Variants in GRIP1 observed in about 807,000 individuals in gnomAD.
GRIP1 encodes glutamate receptor-interacting protein 1.
Under a neutral mutation model 129.9 loss-of-function variants are expected in GRIP1, and 45 were observed. The observed-to-expected ratio is 0.35, with a 90% CI of 0.27 to 0.44. GRIP1 has a LOEUF of 0.44. Among genes scored for constraint, GRIP1 ranks in the 20% least tolerant of loss-of-function variants. The pLI is 1.00. For missense variants in GRIP1, 1,196 were observed against 1,396.8 expected, an observed-to-expected ratio of 0.86 and a Z score of 2.29; for synonymous variants, 530 against 520.8, an observed-to-expected ratio of 1.02 and a Z score of -0.24.
chr12:66,930,376 G>A (rs950873486), intron 1 of GRIP1, among the ~76,000 whole-genome samples: 24 of 149,336 alleles, frequency 1.6e-4, no homozygotes, highest in Non-Finnish European at 2.2e-4. Context: ...TTGTTCTTGC[G>A]ATAGTTTACT....
chr12:67,044,450 T>A (rs1293285950), intron 1 of GRIP1, among the ~76,000 whole-genome samples: 1 of 152,200 alleles, frequency 6.6e-6, no homozygotes, highest in South Asian at 2.1e-4. Context: ...TCACCTTCTA[T>A]AGAAAATAAA....
intron 22 of GRIP1, among the ~76,000 whole-genome samples, chr12:66,376,250 C>A (rs934499753): frequency 6.6e-6 from 1 of 152,132 alleles, no homozygotes; most frequent in Non-Finnish European, 1.5e-5. Context: ...ACCACACATG[C>A]AATTGAGAAG....
intron 19 of GRIP1, among the ~76,000 whole-genome samples, chr12:66,389,574 A>G (rs555926452): frequency 1.3e-5 from 2 of 152,262 alleles, no homozygotes; most frequent in Admixed American, 1.3e-4. Context: ...ATCTGGAGAG[A>G]TGCAGTTTAA....
At chr12:66,768,868 C>T (rs186941453) in intron 1 of GRIP1, among the ~76,000 whole-genome samples, 177 of 152,264 alleles carry the variant, frequency 1.2e-3, no homozygotes, top group African/African-American at 4.0e-3. Flanking sequence ...AATTCTTGTA[C>T]TCAGCCCACA....
rs574152054 is a variant in GRIP1 at position 66,562,112 on chromosome 12, A to G, written c.137-20162T>C. On this transcript the variant is annotated intron_variant, in intron 2 of 24. Coordinates refer to ENST00000359742, the MANE Select transcript of GRIP1 (RefSeq NM_001366722.1). ...CAGAGCAAGATCCTGTCTCAAACAA[A>G]ACAAAATAAAACAAAAGAATACGCT... 1.2e-4 allele frequency among the ~76,000 whole-genome samples: 18 copies of G among 152,296 alleles called. No individual in the cohort carries two copies. The South Asian group carries it at 3.5e-3, about 30-fold the overall frequency.
intron 1 of GRIP1, among the ~76,000 whole-genome samples, chr12:66,998,427 A>C (rs1332322286): frequency 7.4e-6 from 1 of 136,024 alleles, no homozygotes; most frequent in African/African-American, 2.5e-5. Context: ...CTGATAAAAA[A>C]AAATATATAT....
At chr12:66,511,938 T>A (rs1455081541) in intron 7 of GRIP1, among the ~76,000 whole-genome samples, 1 of 152,106 alleles carries the variant, frequency 6.6e-6, no homozygotes, top group Non-Finnish European at 1.5e-5. Context: ...AGGGACCTGG[T>A]GGGAGGTGAT....
chr12:66,390,651 A>C (rs188048941), intron 19 of GRIP1, among the ~76,000 whole-genome samples: 7 of 152,228 alleles, frequency 4.6e-5, no homozygotes, highest in African/African-American at 1.7e-4. Context: ...ATTAATATCA[A>C]TAGCACCCTC....
At chr12:66,561,001 C>A (rs2062506754) in intron 2 of GRIP1, among the ~76,000 whole-genome samples, 1 of 151,974 alleles carries the variant, frequency 6.6e-6, no homozygotes, top group African/African-American at 2.4e-5. Flanking sequence ...TACTATTCAG[C>A]CCTAAAAAAG....
chr12:66,968,009 GATCT>G (rs1347614725), intron 1 of GRIP1, among the ~76,000 whole-genome samples: 1 of 152,096 alleles, frequency 6.6e-6, no homozygotes, highest in African/African-American at 2.4e-5. Context: ...CTGCTGGCTT[GATCT>G]ATCAACTAGT....
rs567419464 is a variant in GRIP1, at chr12:67,019,905, C to T, written c.58+49145G>A. On this transcript the variant is annotated intron_variant, in intron 1 of 1. Coordinates refer to the GRIP1 transcript ENST00000643019. ...TATTTTCTGCAGAAGGAATTTGGAT[C>T]TCTCAATTAATACCTCAAAAGTTAA... 7.7e-4 allele frequency among the ~76,000 whole-genome samples: 117 copies of T among 152,154 alleles called. 1 individual carries two copies. The highest frequency in any genetic ancestry group is 2.7e-3 in the African/African-American group (111 of 41,518).
At chr12:66,504,773 T>TAATA (rs1408749466) in intron 7 of GRIP1, among the ~76,000 whole-genome samples, 3 of 152,186 alleles carry the variant, frequency 2.0e-5, no homozygotes, top group Non-Finnish European at 4.4e-5. Context: ...CAGAGAAAGA[T>TAATA]AATAAAACAT....
At chr12:66,723,225 TCTCTCTCTCTCTCTC>T (rs2036121581) in intron 1 of GRIP1, among the ~76,000 whole-genome samples, 4 of 77,476 alleles carry the variant, frequency 5.2e-5, no homozygotes, top group South Asian at 4.2e-4. Context: ...TTTCTTTCTT[TCTCTCTCTCTCTCTC>T]TTCCTTCCTT....
At chr12:67,058,967 A>T (rs2135880158) in intron 1 of GRIP1, among the ~76,000 whole-genome samples, 1 of 152,362 alleles carries the variant, frequency 6.6e-6, no homozygotes, top group Non-Finnish European at 1.5e-5. Flanking sequence ...CTCCTTGACG[A>T]GTACAAAAGG....
At chr12:66,624,398 C>G (rs1592664515) in intron 1 of GRIP1, among the ~76,000 whole-genome samples, 1 of 151,302 alleles carries the variant, frequency 6.6e-6, no homozygotes, top group East Asian at 1.9e-4. Context: ...GTGATTAATC[C>G]CTAAAGAGAG....
At chr12:66,792,888 C>T (rs184155394) in intron 1 of GRIP1, among the ~76,000 whole-genome samples, 1 of 152,134 alleles carries the variant, frequency 6.6e-6, no homozygotes, top group East Asian at 1.9e-4. Flanking sequence ...TGCCAATAAT[C>T]CAAATAATAT....
intron 1 of GRIP1, among the ~76,000 whole-genome samples, chr12:66,953,709 C>A (rs2041795785): frequency 6.6e-6 from 1 of 151,848 alleles, no homozygotes; most frequent in Non-Finnish European, 1.5e-5. Context: ...CCAGGGATGA[C>A]AGATTAAAGA....
intron 1 of GRIP1, among the ~76,000 whole-genome samples, chr12:66,634,110 G>A (rs533331891): frequency 5.9e-5 from 9 of 152,284 alleles, no homozygotes; most frequent in African/African-American, 2.2e-4. Flanking sequence ...CAGGTAATAA[G>A]TAGTGATTTA....
At position 66,392,663 on chromosome 12, in the gene GRIP1, A is replaced by C. The variant is rs2056637220; in HGVS notation, c.2269+14T>G. The stretch of plus-strand genomic sequence containing the variant: ...CTGGAAATCCTTAATTGTGGCTTTC[A>C]ATTCACTACTCACCATCTGTCTGTT... On this transcript the variant is annotated intron_variant, in intron 18 of 24. Transcript: ENST00000359742. 6.2e-7 allele frequency: 1 copy of C among 1,613,756 alleles called. No individual in the cohort carries two copies. Among genetic ancestry groups the C allele is most frequent in the Admixed American group, 1.7e-5 (1 of 60,004 alleles).
Sources: allele counts gnomAD v4.1 joint callset (sites outside exome capture counted in the v4.1 genomes callset), GRCh38; gene constraint gnomAD v4.1.1; transcripts MANE v1.5; gene names NCBI Gene and HGNC (gene_info 2026-07-23, HGNC 2026-07-21).